RP1L1: variants seen among roughly 807,000 people sequenced by gnomAD.
The protein encoded by RP1L1 is RP1 like 1.
RP1L1 carries 27 observed loss-of-function variants against 15.7 expected under a neutral mutation model. The observed-to-expected ratio is 1.72, with a 90% CI of 1.27 to 2.38. RP1L1 has a LOEUF of 2.38. RP1L1 is among the 30% of genes most tolerant of loss of function. The pLI, the probability that RP1L1 is intolerant of heterozygous loss-of-function variation, is 0.00. For missense variants in RP1L1, 4,798 were observed against 3,075.9 expected, an observed-to-expected ratio of 1.56 and a Z score of -13.24; for synonymous variants, 1,813 against 1,276.7, an observed-to-expected ratio of 1.42 and a Z score of -8.96.
chr8:10,609,749 G>A lies in RP1L1; in HGVS notation c.4349C>T (p.Pro1450Leu), dbSNP rs768721964. The A allele has an allele frequency of 6.2e-6, 10 of 1,613,526 alleles. No homozygotes were observed. The East Asian group carries it at 2.2e-4, about 36-fold the overall frequency. Residue 1450 changes from proline (P) to leucine (L), a missense_variant, in exon 4 of 4, where the codon CCC (proline) becomes CTC (leucine). By Grantham distance (98) the Pro-to-Leu change is moderately conservative (BLOSUM62 -3). Coordinates refer to ENST00000382483, the MANE Select transcript of RP1L1 (RefSeq NM_178857.6). Reference protein sequence around the residue: ...EPCPAEGTEEPTEPPSHLSET... With the variant: ...EPCPAEGTEELTEPPSHLSET... ...GCTGAGATGACTAGGGGGCTCTGTG[G>A]GTTCCTCTGTGCCCTCTGCGGGGCA...
At position 10,608,900 on chromosome 8, in the gene RP1L1, C is replaced by G. The variant is rs1387570750; in HGVS notation, c.5198G>C (p.Gly1733Ala). 6.2e-7 allele frequency: 1 copy of G among 1,614,068 alleles called. No individual in the cohort carries two copies. Among genetic ancestry groups the G allele is most frequent in the Admixed American group, 1.7e-5 (1 of 60,030 alleles). ...GTCCACTCCAGGCCCCTGGCTCAGC[C>G]CCGGCCCCAGCCCTCCCTCAGCTCC... ...VQGAEGGLGP[G>A]LSQGPGVDEG... is the part of the protein sequence containing the mutation. The change falls in exon 4 of 4, where the codon GGG becomes GCG. Residue 1733 changes from glycine to alanine, a missense_variant. Physicochemically the swap from Gly to Ala is moderately conservative, Grantham distance 60. Coordinates refer to ENST00000382483, the MANE Select transcript of RP1L1 (RefSeq NM_178857.6).
chr8:10,639,139 C>T (rs1178422030), intron 1 of RP1L1, among the ~76,000 whole-genome samples: 6 of 148,912 alleles, frequency 4.0e-5, no homozygotes, highest in African/African-American at 1.2e-4. Flanking sequence ...GTGAGACTGT[C>T]TCAAAAAAAA....
Position 10,611,554 on chromosome 8 carries a change from C to G in RP1L1, c.2544G>C (p.Leu848=). The change falls in exon 4 of 4, where the codon CTG becomes CTC. Residue 848 remains leucine (L), a synonymous_variant. Transcript: ENST00000382483. ...QRGPSPEASW[L]CGRYCPTPPR... is the part of the protein sequence containing the mutation. ...GCGGGGTGGGACAGTACCTGCCACACAGCCAGCTAGCCTCAGGGGAGGGTC... is the reference window on the plus strand; with the variant it reads ...GCGGGGTGGGACAGTACCTGCCACAGAGCCAGCTAGCCTCAGGGGAGGGTC... 1.3e-6 allele frequency: 2 copies of G among 1,599,252 alleles called. No individual in the cohort carries two copies. Among genetic ancestry groups the G allele is most frequent in the Non-Finnish European group, 1.7e-6 (2 of 1,173,252 alleles).
intron 3 of RP1L1, 121 bp from the exon 4 acceptor site, chr8:10,613,467 A>T (rs1797914650): frequency 7.2e-7 from 1 of 1,397,388 alleles, no homozygotes; most frequent in African/African-American, 1.4e-5. Flanking sequence ...CACTGCCTCC[A>T]AAATGCACGG....
rs1032376981 is a variant in RP1L1 at position 10,607,343 on chromosome 8, C to T, written c.6755G>A (p.Ser2252Asn). Residue 2252 changes from serine (S) to asparagine (N), a missense_variant, in exon 4 of 4, where the codon AGC becomes AAC. Ser to Asn is a conservative substitution (Grantham distance 46). Coordinates refer to ENST00000382483, the MANE Select transcript of RP1L1 (RefSeq NM_178857.6). ...EGETQGEKKG[S>N]PQVSLGDGQS... ...GCCATCTCCTAGACTGACCTGAGGG[C>T]TCCCCTTTTTCTCACCTTGAGTTTC... The T allele has an allele frequency of 1.2e-6, 2 of 1,614,124 alleles. No homozygotes were observed. Among genetic ancestry groups the T allele is most frequent in the African/African-American group, 1.3e-5 (1 of 75,048 alleles).
At chr8:10,644,775 A>T (rs1798452717) in intron 1 of RP1L1, among the ~76,000 whole-genome samples, 1 of 152,154 alleles carries the variant, frequency 6.6e-6, no homozygotes, top group East Asian at 1.9e-4. Flanking sequence ...CCCTGCAGAG[A>T]GGCCTATTTA....
chr8:10,646,933 C>T (rs570441616), intron 1 of RP1L1, among the ~76,000 whole-genome samples: 1 of 152,258 alleles, frequency 6.6e-6, no homozygotes, highest in African/African-American at 2.4e-5. Context: ...AACCTCCCCC[C>T]CTCAGTTGTC....
Position 10,631,376 on chromosome 8 carries a change from CAA to C in RP1L1, c.-19-8158_-19-8157del, listed in dbSNP as rs143703391. 3.7e-3 allele frequency among the ~76,000 whole-genome samples: 22 copies of C among 5,988 alleles called. No individual in the cohort carries two copies. In the East Asian group the frequency reaches 0.14, roughly 37 times the overall value. 3.9% of individuals were successfully genotyped at this position (5,988 alleles called of 152,430 possible). A position where few individuals can be genotyped will look rare whatever the true frequency, so the allele number is the denominator to read the frequency against. ...ACATGCACACAAACACACATGCACA[CAA>C]ACACACATGCACACACACGCACACA... On this transcript the variant is annotated intron_variant, in intron 1 of 3. Transcript: ENST00000382483.
chr8:10,613,201 C>G lies in RP1L1; in HGVS notation c.897G>C (p.Gln299His), dbSNP rs373742156. ...CATCGCCAGCCACCAGCGGGCCCGA[C>G]TGAGCTGGCGTGTCCTGAGGGTGCC... ...PGRHPQDTPA[Q>H]SGPLVAGDDM... The change falls in exon 4 of 4, where the codon CAG becomes CAC. Residue 299 changes from glutamine to histidine, a missense_variant. Gln to His is a conservative substitution (Grantham distance 24). Coordinates refer to ENST00000382483, the MANE Select transcript of RP1L1 (RefSeq NM_178857.6). The G allele has an allele frequency of 3.7e-6, 6 of 1,613,576 alleles. No homozygotes were observed. The highest frequency in any genetic ancestry group is 5.1e-6 in the Non-Finnish European group (6 of 1,180,016).
rs75797924 is a variant in RP1L1 at position 10,607,502 on chromosome 8, G to A, written c.6596C>T (p.Pro2199Leu). ...TGGTTGGGCCTCCCCTTCTGCCTCT[G>A]GGGCCTCTATACCTTCTGACTCTGG... ...AQPESEGIEAPEAEGEAQPEL... is the reference protein window; with the variant it reads ...AQPESEGIEALEAEGEAQPEL... The change falls in exon 4 of 4, where the codon CCA becomes CTA. Residue 2199 changes from proline (P) to leucine (L), a missense_variant. Physicochemically the swap from Pro to Leu is moderately conservative, Grantham distance 98. Transcript: ENST00000382483. The A allele has an allele frequency of 0.055, 88,037 of 1,604,680 alleles. 2,765 individuals are homozygous for A. Among genetic ancestry groups the A allele is most frequent in the South Asian group, 0.075 (6,822 of 90,632 alleles).
In RP1L1 at chr8:10,623,005, T is replaced by C. The variant is rs750206351; in HGVS notation, c.197A>G (p.Asp66Gly). 19 of 1,613,914 alleles carry C rather than the reference T, an allele frequency of 1.2e-5. No individual in the cohort carries two copies. Among genetic ancestry groups the C allele is most frequent in the Admixed American group, 6.7e-5 (4 of 60,004 alleles). Residue 66 changes from aspartate to glycine, a missense_variant, in exon 2 of 4, where the codon GAC becomes GGC. Coordinates refer to ENST00000382483, the MANE Select transcript of RP1L1 (RefSeq NM_178857.6). ...RAFKTFSALM[D>G]ELSQRVPLSF... The stretch of plus-strand genomic sequence containing the variant: ...GAGAGGCACGCGCTGGGAGAGCTCG[T>C]CCATGAGGGCGCTGAAGGTCTTAAA...
chr8:10,616,096 A>T (rs137905716), intron 3 of RP1L1, among the ~76,000 whole-genome samples: 4,231 of 151,960 alleles, frequency 0.028, 65 homozygotes, highest in Middle Eastern at 0.068. Flanking sequence ...TTTTTTAGAG[A>T]CAGTGTCTCA....
chr8:10,626,912 C>G (rs567357431), intron 1 of RP1L1, among the ~76,000 whole-genome samples: 1 of 152,048 alleles, frequency 6.6e-6, no homozygotes, highest in Non-Finnish European at 1.5e-5. Context: ...GGTGGGTGAA[C>G]GTGACTCGTA....
At chr8:10,619,907 G>GCCAAGAT (rs1426847899) in intron 2 of RP1L1, among the ~76,000 whole-genome samples, 1 of 145,986 alleles carries the variant, frequency 6.8e-6, no homozygotes, top group African/African-American at 2.6e-5. Context: ...GTTGCAGTGA[G>GCCAAGAT]CCAAGATCAT....
In RP1L1 at chr8:10,607,024, G is replaced by A. The variant is rs779562782; in HGVS notation, c.7074C>T (p.Gly2358=). 2 of 1,614,236 alleles carry A rather than the reference G, an allele frequency of 1.2e-6. No individual in the cohort carries two copies. The highest frequency in any genetic ancestry group is 1.3e-5 in the African/African-American group (1 of 75,070). ...STSEQEEAPL[G]SRTPEQGASE... ...TGGCCCCCTGCTCTGGAGTCCTTGAGCCCAAAGGGGCCTCTTCTTGCTCAG... is the reference window on the plus strand; with the variant it reads ...TGGCCCCCTGCTCTGGAGTCCTTGAACCCAAAGGGGCCTCTTCTTGCTCAG... The change falls in exon 4 of 4, where the codon GGC becomes GGT. Residue 2358 remains glycine (G), a synonymous_variant. Coordinates refer to ENST00000382483, the MANE Select transcript of RP1L1 (RefSeq NM_178857.6).
In RP1L1 at chr8:10,622,702, G is replaced by A. The variant is rs775422104; in HGVS notation, c.500C>T (p.Thr167Ile). 1.2e-6 allele frequency: 2 copies of A among 1,614,046 alleles called. No homozygotes were observed. Among genetic ancestry groups the A allele is most frequent in the Admixed American group, 1.7e-5 (1 of 59,994 alleles). ...AGTATTCCTGTGACTGAGAACCACT[G>A]TCTGCTGGAGGCGAGGGTCCATGTT... ...IKNMDPRLQQTVVLSHRNTRN... is the reference protein window; with the variant it reads ...IKNMDPRLQQIVVLSHRNTRN... The change falls in exon 2 of 4, where the codon ACA becomes ATA. Residue 167 changes from threonine to isoleucine, a missense_variant. Thr to Ile is a moderately conservative substitution (Grantham distance 89). Transcript: ENST00000382483.
In RP1L1 at chr8:10,651,003, G is replaced by C. The variant is rs76991990; in HGVS notation, c.-20+3895C>G. ...AAAAGGGAACACTAAGCTGCTAATA[G>C]CTGTAGTGTTTTATGGTTTGCAAAG... is the stretch of plus-strand genomic sequence containing the variant. On this transcript the variant is annotated intron_variant, in intron 1 of 3. Coordinates refer to ENST00000382483, the MANE Select transcript of RP1L1 (RefSeq NM_178857.6). 7.5e-3 allele frequency among the ~76,000 whole-genome samples: 1,139 copies of C among 152,346 alleles called. 14 individuals are homozygous for C. The highest frequency in any genetic ancestry group is 0.026 in the African/African-American group (1,085 of 41,570).
Position 10,608,493 on chromosome 8 carries a change from G to C in RP1L1, c.5605C>G (p.Pro1869Ala). ...DAQEAEGEAQ[P>A]ESEDVEAPEA... ...GGGGCCTCTACATCTTCTGACTCTG[G>C]CTGGGCCTCCCCTTCAGCCTCCTGG... is the stretch of plus-strand genomic sequence containing the variant. Residue 1869 changes from proline to alanine, a missense_variant, in exon 4 of 4, where the codon CCA becomes GCA. Transcript: ENST00000382483. The C allele has an allele frequency of 1.2e-6, 2 of 1,606,168 alleles. No individual in the cohort carries two copies. The highest frequency in any genetic ancestry group is 1.7e-6 in the Non-Finnish European group (2 of 1,178,740).
chr8:10,608,954 G>T lies in RP1L1; in HGVS notation c.5144C>A (p.Thr1715Lys), dbSNP rs370477638. ...AAEVAPGKTH[T>K]DPTSTRTVQG... Reference sequence around the variant, plus strand: ...GACAGTCCTAGTGCTCGTGGGGTCCGTGTGGGTCTTGCCAGGGGCCACCTC... The same window carrying T: ...GACAGTCCTAGTGCTCGTGGGGTCCTTGTGGGTCTTGCCAGGGGCCACCTC... The change falls in exon 4 of 4, where the codon ACG becomes AAG. Residue 1715 changes from threonine (T) to lysine (K), a missense_variant. Physicochemically the swap from Thr to Lys is moderately conservative, Grantham distance 78. Transcript: ENST00000382483. 18 of 1,613,712 alleles carry T rather than the reference G, an allele frequency of 1.1e-5. No individual in the cohort carries two copies. The highest frequency in any genetic ancestry group is 8.0e-5 in the African/African-American group (6 of 74,906).
Sources: gnomAD v4.1 joint callset for allele counts (sites outside exome capture counted in the v4.1 genomes callset) on GRCh38, gnomAD v4.1.1 for gene constraint, MANE v1.5 for transcripts, NCBI Gene and HGNC (gene_info 2026-07-23, HGNC 2026-07-21) for gene names.